FSD1L: variants seen among roughly 807,000 people sequenced by gnomAD.
The protein encoded by FSD1L is fibronectin type III and SPRY domain containing 1 like.
A neutral mutation model predicts 71.6 loss-of-function variants in FSD1L; 45 were observed. The observed-to-expected ratio is 0.63, with a 90% CI of 0.49 to 0.81. The LOEUF (loss-of-function observed/expected upper bound fraction) is 0.81. Ranked by LOEUF, FSD1L falls within the 30% of genes least tolerant of loss-of-function variation. FSD1L has a pLI of 0.00. For synonymous variants in FSD1L, 197 were observed against 207.2 expected (o/e 0.95, Z 0.42); for missense variants, 561 against 618.1 (o/e 0.91, Z 0.98).
At chr9:105,461,670 A>C in intron 2 of FSD1L, 55 bp downstream of exon 2, 1 of 1,046,504 alleles carries the variant, frequency 9.6e-7, no homozygotes, top group Non-Finnish European at 1.4e-6. Flanking sequence ...ATTCAAAATT[A>C]GAGCATTTAG....
chr9:105,504,975 A>T (rs1833965515), intron 7 of FSD1L, among the ~76,000 whole-genome samples: 1 of 152,234 alleles, frequency 6.6e-6, no homozygotes, highest in African/African-American at 2.4e-5. Flanking sequence ...CCCTGTTATT[A>T]CTATTCTGCA....
chr9:105,443,902 G>T (rs1427347945), upstream of FSD1L, among the ~76,000 whole-genome samples: 1 of 152,144 alleles, frequency 6.6e-6, no homozygotes, highest in Non-Finnish European at 1.5e-5. Flanking sequence ...AACCCTTATA[G>T]GTGCTACTTT....
At chr9:105,530,472 C>T in intron 10 of FSD1L, 1 of 587,244 alleles carries the variant, frequency 1.7e-6, no homozygotes, top group Non-Finnish European at 3.0e-6. Context: ...TTTTTCTTTT[C>T]TCCATGCTTC....
chr9:105,530,904 C>CACCT (rs1008567185), intron 10 of FSD1L: 5 of 263,160 alleles, frequency 1.9e-5, no homozygotes, highest in African/African-American at 1.1e-4. Context: ...AGATATTGTA[C>CACCT]ACCTACTCTG....
chr9:105,495,280 C>G (rs908014386), intron 7 of FSD1L, among the ~76,000 whole-genome samples: 1 of 152,172 alleles, frequency 6.6e-6, no homozygotes, highest in African/African-American at 2.4e-5. Context: ...CAGCGAGACT[C>G]CGTGGGTGTA....
intron 10 of FSD1L, chr9:105,525,224 T>C: frequency 5.0e-6 from 8 of 1,604,958 alleles, no homozygotes; most frequent in Non-Finnish European, 6.8e-6. Context: ...AGATGGACTT[T>C]CCAGTTTAAA....
chr9:105,544,415 A>G (rs1836841345), intron 13 of FSD1L, among the ~76,000 whole-genome samples: 1 of 152,148 alleles, frequency 6.6e-6, no homozygotes, highest in South Asian at 2.1e-4. Flanking sequence ...TGCTATGCAG[A>G]AGCTCTTCAG....
rs149941162 is a variant in FSD1L, at chr9:105,501,744, C to T, written c.587-4655C>T. On this transcript the variant is annotated intron_variant, in intron 7 of 13. Transcript: ENST00000481272. ...CCACTGCACCCAGCCATCATTTCCGCGTTTACATCTGTGTTCTTCTTATTG... is the reference window on the plus strand; with the variant it reads ...CCACTGCACCCAGCCATCATTTCCGTGTTTACATCTGTGTTCTTCTTATTG... Among the ~76,000 whole-genome samples, 10 of 152,086 alleles carry T rather than the reference C, an allele frequency of 6.6e-5. No homozygotes were observed. The East Asian group carries it at 9.7e-4, about 15-fold the overall frequency.
At chr9:105,520,897 T>C in intron 10 of FSD1L, 1 of 1,612,206 alleles carries the variant, frequency 6.2e-7, no homozygotes, top group Non-Finnish European at 8.5e-7. Context: ...GAAGCACTTC[T>C]AAAATACATA....
chr9:105,451,928 G>GGAGAGGAAGGGAGATGAGAGCT (rs1384109840), intron 1 of FSD1L, among the ~76,000 whole-genome samples: 3 of 152,140 alleles, frequency 2.0e-5, no homozygotes, highest in Non-Finnish European at 4.4e-5. Context: ...AAGAAAGGGT[G>GGAGAGGAAGGGAGATGAGAGCT]GAGAGGAAGG....
rs757116627 is a variant in FSD1L at position 105,468,203 on chromosome 9, C to G, written c.218C>G (p.Ser73Cys). 6.4e-5 allele frequency: 89 copies of G among 1,399,514 alleles called. No individual in the cohort carries two copies. Among genetic ancestry groups the G allele is most frequent in the South Asian group, 5.2e-5 (3 of 57,950 alleles). 86.7% of individuals were successfully genotyped at this position (1,399,514 alleles called of 1,614,324 possible). The change falls in exon 4 of 14, where the codon TCC becomes TGC. Residue 73 changes from serine (S) to cysteine (C), a missense_variant. By Grantham distance (112) the Ser-to-Cys change is moderately radical (BLOSUM62 -1). Around this residue, in one of 3 missense-constraint regions of FSD1L, gnomAD observed 410 missense variants for 413.5 expected, o/e 0.99. Transcript: ENST00000481272. ...TTGTTTTTTAAACAGGAAAATTCGT[C>G]CAACATACTCTCAGAGTTAGATGAA... ...HTLKGVQENS[S>C]NILSELDEEF...
intron 10 of FSD1L, chr9:105,526,246 T>C: frequency 6.2e-7 from 1 of 1,600,718 alleles, no homozygotes; most frequent in Non-Finnish European, 8.6e-7. Context: ...GAGAGCACGA[T>C]ACCTGCAAAC....
At chr9:105,522,489 G>T in intron 10 of FSD1L, 1 of 1,613,876 alleles carries the variant, frequency 6.2e-7, no homozygotes, top group Non-Finnish European at 8.5e-7. Context: ...AACCGAAAAG[G>T]CGAGGAGTAT....
At chr9:105,485,878 C>T (rs190112729) in intron 7 of FSD1L, among the ~76,000 whole-genome samples, 3 of 151,928 alleles carry the variant, frequency 2.0e-5, no homozygotes, top group Non-Finnish European at 4.4e-5. Context: ...CTCCTGACCT[C>T]GTGATCCGCC....
chr9:105,481,313 C>A (rs1368060205), intron 6 of FSD1L, among the ~76,000 whole-genome samples: 8 of 146,898 alleles, frequency 5.4e-5, no homozygotes, highest in African/African-American at 1.8e-4. Context: ...GAGACAGAGT[C>A]TTGCTCAGTT....
chr9:105,449,261 T>C (rs1214468579), intron 1 of FSD1L, among the ~76,000 whole-genome samples: 7 of 152,232 alleles, frequency 4.6e-5, no homozygotes, highest in Non-Finnish European at 7.3e-5. Context: ...TGTTGAGCAT[T>C]GACTATTACA....
chr9:105,500,627 G>A (rs1833705672), intron 7 of FSD1L: 1 of 152,178 alleles, frequency 6.6e-6, no homozygotes, highest in Non-Finnish European at 1.5e-5. Flanking sequence ...GGAAGCATAA[G>A]GGGATTTTTC....
chr9:105,503,207 A>T (rs1052268457), intron 7 of FSD1L, among the ~76,000 whole-genome samples: 2 of 152,154 alleles, frequency 1.3e-5, no homozygotes, highest in Admixed American at 6.5e-5. Flanking sequence ...AGTAGGTTTT[A>T]AAAATTCATG....
Position 105,549,894 on chromosome 9 carries a change from GATT to G in FSD1L, c.*3415_*3417del, listed in dbSNP as rs1056256995. ...ACAATTGGAAAAGTATATGGAAAATGATTATTTCAAAGAATATTTATTTAAAGA... is the reference window on the plus strand; with the variant it reads ...ACAATTGGAAAAGTATATGGAAAATGATTTCAAAGAATATTTATTTAAAGA... On this transcript the variant is annotated 3_prime_UTR_variant, in exon 14 of 14. Transcript: ENST00000481272. The G allele has an allele frequency of 6.6e-6, 1 of 151,802 alleles. No homozygotes were observed. The highest frequency in any genetic ancestry group is 2.4e-5 in the African/African-American group (1 of 41,388). 9.4% of individuals were successfully genotyped at this position (151,802 alleles called of 1,614,324 possible).
Sources: allele counts gnomAD v4.1 joint callset (sites outside exome capture counted in the v4.1 genomes callset), GRCh38; gene constraint gnomAD v4.1.1; regional missense constraint gnomAD v4.1.1; transcripts MANE v1.5; gene names NCBI Gene and HGNC (gene_info 2026-07-23, HGNC 2026-07-21).